The following PACRG variants were observed in gnomAD, a reference collection of about 807,000 sequenced individuals.
The protein encoded by PACRG is parkin coregulated gene protein.
Under a neutral mutation model 29.7 loss-of-function variants are expected in PACRG, and 29 were observed. The observed-to-expected ratio is 0.98, with a 90% CI of 0.73 to 1.33. PACRG has a LOEUF of 1.33. Among genes scored for constraint, PACRG ranks in the 40% most tolerant of loss-of-function variants. PACRG has a pLI of 0.00. For synonymous variants in PACRG, 116 were observed against 118.7 expected, an observed-to-expected ratio of 0.98 and a Z score of 0.15; for missense variants, 279 against 316.2, an observed-to-expected ratio of 0.88 and a Z score of 0.89.
chr6:163,203,437 C>G (rs553176473), intron 4 of PACRG, among the ~76,000 whole-genome samples: 1 of 151,988 alleles, frequency 6.6e-6, no homozygotes, highest in African/African-American at 2.4e-5. Flanking sequence ...AACAAAAAAA[C>G]CCACCAAACA....
chr6:162,804,186 T>C (rs183603455), intron 1 of PACRG, among the ~76,000 whole-genome samples: 66 of 152,316 alleles, frequency 4.3e-4, no homozygotes, highest in Middle Eastern at 3.4e-3. Flanking sequence ...TTACAAGTGA[T>C]TTAATAAGAT....
At chr6:162,837,986 A>G (rs1234136854) in intron 2 of PACRG, among the ~76,000 whole-genome samples, 1 of 152,172 alleles carries the variant, frequency 6.6e-6, no homozygotes, top group Non-Finnish European at 1.5e-5. Context: ...GATACATCAT[A>G]TTTATTTTAG....
At chr6:162,783,543 T>C (rs1784245543) in intron 1 of PACRG, among the ~76,000 whole-genome samples, 1 of 152,046 alleles carries the variant, frequency 6.6e-6, no homozygotes, top group South Asian at 2.1e-4. Context: ...GTTTACATTA[T>C]AATTTTTTAG....
intron 2 of PACRG, among the ~76,000 whole-genome samples, chr6:162,982,444 A>G (rs958940229): frequency 6.6e-6 from 1 of 151,698 alleles, no homozygotes; most frequent in African/African-American, 2.4e-5. Context: ...ATTTCATGCT[A>G]TGAATTTTCC....
chr6:163,107,952 A>G (rs1815476675), intron 4 of PACRG, among the ~76,000 whole-genome samples: 1 of 152,218 alleles, frequency 6.6e-6, no homozygotes, highest in Non-Finnish European at 1.5e-5. Context: ...TAGCCTAGAT[A>G]TATAGGAATC....
intron 4 of PACRG, among the ~76,000 whole-genome samples, chr6:163,192,428 GGGACAA>G (rs1372956657): frequency 2.0e-5 from 3 of 152,142 alleles, no homozygotes; most frequent in Admixed American, 6.5e-5. Flanking sequence ...TGTGGGCTCG[GGGACAA>G]GCTGTATTTT....
intron 4 of PACRG, among the ~76,000 whole-genome samples, chr6:163,200,171 T>G (rs1780637677): frequency 6.6e-6 from 1 of 152,214 alleles, no homozygotes; most frequent in African/African-American, 2.4e-5. Flanking sequence ...GTCCTCTTTA[T>G]GTACTGCCAG....
At chr6:162,972,617 T>C (rs569154047) in intron 2 of PACRG, among the ~76,000 whole-genome samples, 23 of 152,328 alleles carry the variant, frequency 1.5e-4, no homozygotes, top group South Asian at 1.0e-3. Context: ...AGAAGTTCCC[T>C]CATCCCCCAG....
chr6:162,879,840 C>G lies in PACRG; in HGVS notation c.291+65559C>G, dbSNP rs149083665. 2.0e-5 allele frequency among the ~76,000 whole-genome samples: 3 copies of G among 152,308 alleles called. No homozygotes were observed. The East Asian group carries it at 5.8e-4, about 29-fold the overall frequency. ...GGGCAGGGAACGTGAGGGAGTTACT[C>G]CTTCTTCAAGGAGAAGTAGCTGGTA... On this transcript the variant is annotated intron_variant, in intron 2 of 4. Transcript: ENST00000366888.
chr6:162,847,679 G>A (rs1790519858), intron 2 of PACRG, among the ~76,000 whole-genome samples: 1 of 151,848 alleles, frequency 6.6e-6, no homozygotes. Context: ...CATGTGTCCT[G>A]CATTCACTTA....
chr6:163,219,730 C>T (rs1300826110), intron 4 of PACRG, among the ~76,000 whole-genome samples: 2 of 151,962 alleles, frequency 1.3e-5, no homozygotes, highest in Non-Finnish European at 2.9e-5. Flanking sequence ...CTGCCTTTCC[C>T]ACCTGCCTCC....
At chr6:163,162,348 C>A (rs542115554) in intron 4 of PACRG, among the ~76,000 whole-genome samples, 1 of 152,310 alleles carries the variant, frequency 6.6e-6, no homozygotes, top group East Asian at 1.9e-4. Context: ...CCTGGCTGCA[C>A]GTTGAAATCA....
At chr6:162,752,075 A>G (rs1038095270) in intron 1 of PACRG, among the ~76,000 whole-genome samples, 10 of 152,222 alleles carry the variant, frequency 6.6e-5, no homozygotes, top group Non-Finnish European at 1.0e-4. Flanking sequence ...GAAGCCAGTC[A>G]TCTGAAACAT....
chr6:162,933,247 A>C (rs1454301748), intron 2 of PACRG, among the ~76,000 whole-genome samples: 4 of 152,116 alleles, frequency 2.6e-5, no homozygotes, highest in African/African-American at 9.7e-5. Context: ...AAATGTGTTG[A>C]GACTTGTTTT....
chr6:163,053,389 C>T (rs1262561495), intron 2 of PACRG, among the ~76,000 whole-genome samples: 1 of 151,952 alleles, frequency 6.6e-6, no homozygotes, highest in African/African-American at 2.4e-5. Context: ...AAATAAGGAC[C>T]TCTTATTGTT....
chr6:163,058,862 T>C (rs1024549613), intron 2 of PACRG, among the ~76,000 whole-genome samples: 2 of 152,106 alleles, frequency 1.3e-5, no homozygotes, highest in East Asian at 3.9e-4. Flanking sequence ...CTCGCACCAC[T>C]GCACTCCAGC....
intron 2 of PACRG, among the ~76,000 whole-genome samples, chr6:162,885,434 T>G (rs1333545686): frequency 2.0e-5 from 3 of 152,008 alleles, no homozygotes; most frequent in East Asian, 1.9e-4. Context: ...AACACCTGGA[T>G]AGTTTTTGTA....
At position 162,923,660 on chromosome 6, in the gene PACRG, G is replaced by C. The variant is rs965110824; in HGVS notation, c.291+109379G>C. Among the ~76,000 whole-genome samples the C allele has an allele frequency of 3.9e-5, 6 of 152,140 alleles. No individual in the cohort carries two copies. In the East Asian group the frequency reaches 9.7e-4, roughly 25 times the overall value. On this transcript the variant is annotated intron_variant, in intron 2 of 4. Coordinates refer to ENST00000366888, the MANE Select transcript of PACRG (RefSeq NM_001080379.2). ...TTGGCATCTTTGTTGAAAATTAGTTGATTGTAAATACATGGGTTTATTTCT... is the reference window on the plus strand; with the variant it reads ...TTGGCATCTTTGTTGAAAATTAGTTCATTGTAAATACATGGGTTTATTTCT...
chr6:163,109,395 A>G lies in PACRG; in HGVS notation c.613+19987A>G, dbSNP rs181329971. On this transcript the variant is annotated intron_variant, in intron 4 of 4. Coordinates refer to ENST00000366888, the MANE Select transcript of PACRG (RefSeq NM_001080379.2). ...GATAGCAAATTCTTCTTTGTTCTCCATGCAGCAAAAATTACATCTGTTGTC... is the reference window on the plus strand; with the variant it reads ...GATAGCAAATTCTTCTTTGTTCTCCGTGCAGCAAAAATTACATCTGTTGTC... Among the ~76,000 whole-genome samples, 19 of 152,296 alleles carry G rather than the reference A, an allele frequency of 1.2e-4. No individual in the cohort carries two copies. In the East Asian group the frequency reaches 2.3e-3, roughly 19 times the overall value.
Sources: allele counts gnomAD v4.1 joint callset (sites outside exome capture counted in the v4.1 genomes callset), GRCh38; gene constraint gnomAD v4.1.1; transcripts MANE v1.5; gene names NCBI Gene and HGNC (gene_info 2026-07-23, HGNC 2026-07-21).